Variants in NEXMIF observed in about 807,000 individuals in gnomAD.
The protein encoded by NEXMIF is neurite extension and migration factor.
A neutral mutation model predicts 62.1 loss-of-function variants in NEXMIF; 8 were observed. The observed-to-expected ratio is 0.13, with a 90% confidence interval of 0.08 to 0.23. The LOEUF (loss-of-function observed/expected upper bound fraction) is 0.23, where lower values mean the gene tolerates loss of function less well. NEXMIF is among the 10% of genes least tolerant of loss of function. The pLI is 1.00. For synonymous variants in NEXMIF, 404 were observed against 416.6 expected, an observed-to-expected ratio of 0.97 and a Z score of 0.37; for missense variants, 976 against 1,113.3, an observed-to-expected ratio of 0.88 and a Z score of 1.75.
intron 1 of NEXMIF, among the ~76,000 whole-genome samples, chrX:74,921,762 A>C (rs1213806899): frequency 9.0e-6 from 1 of 111,186 alleles, no homozygotes; most frequent in African/African-American, 3.3e-5. Flanking sequence ...AAATCTCTTA[A>C]GATGGGAAAA....
intron 1 of NEXMIF, among the ~76,000 whole-genome samples, chrX:74,764,470 A>C (rs886607569): frequency 8.9e-6 from 1 of 111,905 alleles, no homozygotes; most frequent in South Asian, 3.7e-4. Flanking sequence ...TATCAGGATG[A>C]TGCTGGCCTC....
At chrX:74,816,400 C>A (rs1277189720) in intron 1 of NEXMIF, among the ~76,000 whole-genome samples, 2 of 111,268 alleles carry the variant, frequency 1.8e-5, no homozygotes, top group Non-Finnish European at 3.8e-5. Flanking sequence ...TAAGGTAAGT[C>A]TCTAAATAAA....
intron 1 of NEXMIF, among the ~76,000 whole-genome samples, chrX:74,896,241 G>T (rs2080732528): frequency 8.9e-6 from 1 of 111,890 alleles, no homozygotes; most frequent in Non-Finnish European, 1.9e-5. Flanking sequence ...TGTCACCAAA[G>T]TTGAAAAGCT....
rs962621127 is a variant in NEXMIF at position 74,845,820 on chromosome X, C to T, written c.-48+79063G>A. 2.7e-5 allele frequency among the ~76,000 whole-genome samples: 3 copies of T among 110,582 alleles called. No homozygotes were observed. The East Asian group carries it at 8.6e-4, about 32-fold the overall frequency. On this transcript the variant is annotated intron_variant, in intron 1 of 3. Coordinates refer to ENST00000055682, the MANE Select transcript of NEXMIF (RefSeq NM_001008537.3). ...ATTAAAAAAAAAACTATACATGAAGCCCCCAAGCCCTAATTATAACCTCTC... is the reference window on the plus strand; with the variant it reads ...ATTAAAAAAAAAACTATACATGAAGTCCCCAAGCCCTAATTATAACCTCTC...
chrX:74,765,059 G>T lies in NEXMIF; in HGVS notation c.-47-19362C>A, dbSNP rs1181273876. The stretch of plus-strand genomic sequence containing the variant: ...CCCACTATTATTGTGTGGGAATCTA[G>T]GTCTCTTTGTAGGTCTCTAAGAACT... On this transcript the variant is annotated intron_variant, in intron 1 of 3. Coordinates refer to ENST00000055682, the MANE Select transcript of NEXMIF (RefSeq NM_001008537.3). Among the ~76,000 whole-genome samples, 4 of 111,564 alleles carry T rather than the reference G, an allele frequency of 3.6e-5. No individual in the cohort carries two copies. The East Asian group carries it at 8.4e-4, about 23-fold the overall frequency.
chrX:74,876,786 C>CT (rs2080636481), intron 1 of NEXMIF, among the ~76,000 whole-genome samples: 1 of 102,259 alleles, frequency 9.8e-6, no homozygotes, highest in Non-Finnish European at 2.0e-5. Flanking sequence ...GGTTTAAAGT[C>CT]TGTTTTATCA....
chrX:74,823,558 A>C (rs1484049797), intron 1 of NEXMIF, among the ~76,000 whole-genome samples: 2 of 111,704 alleles, frequency 1.8e-5, no homozygotes, highest in Admixed American at 1.9e-4. Flanking sequence ...TTTTGATTGT[A>C]GTACCGTTGT....
At chrX:74,827,440 G>A (rs2080422256) in intron 1 of NEXMIF, among the ~76,000 whole-genome samples, 1 of 111,674 alleles carries the variant, frequency 9.0e-6, no homozygotes, top group Non-Finnish European at 1.9e-5. Context: ...CCTAGGTAGG[G>A]TAAATAAGTA....
At chrX:74,820,165 C>T (rs781450748) in intron 1 of NEXMIF, among the ~76,000 whole-genome samples, 29 of 109,786 alleles carry the variant, frequency 2.6e-4, no homozygotes, top group African/African-American at 9.0e-4. Flanking sequence ...GGGTGGGGAA[C>T]ATCACACACT....
At chrX:74,841,908 A>G (rs1187053453) in intron 1 of NEXMIF, among the ~76,000 whole-genome samples, 2 of 111,228 alleles carry the variant, frequency 1.8e-5, no homozygotes, top group Non-Finnish European at 3.8e-5. Context: ...TTTTTGTATC[A>G]ATGTTCATCA....
intron 1 of NEXMIF, among the ~76,000 whole-genome samples, chrX:74,752,491 T>C (rs146837126): frequency 0.011 from 1,274 of 111,341 alleles, 20 homozygotes; most frequent in African/African-American, 0.04. Flanking sequence ...TCTGTACCGG[T>C]TTTATCTGTA....
chrX:74,741,114 C>T lies in NEXMIF; in HGVS notation c.3443G>A (p.Ser1148Asn). The T allele has an allele frequency of 8.3e-7, 1 of 1,210,936 alleles. No individual in the cohort carries two copies. The highest frequency in any genetic ancestry group is 1.7e-5 in the African/African-American group (1 of 57,676). The change falls in exon 3 of 4, where the codon AGC becomes AAC. Residue 1148 changes from serine (S) to asparagine (N), a missense_variant. Transcript: ENST00000055682. Reference protein sequence around the residue: ...FHMFNDEDSVSLLQKNPCLST... With the variant: ...FHMFNDEDSVNLLQKNPCLST... ...CAGGCAAGGGTTTTTTTGGAGCAGG[C>T]TGACAGAATCCTCATCATTGAACAT... is the stretch of plus-strand genomic sequence containing the variant.
intron 1 of NEXMIF, among the ~76,000 whole-genome samples, chrX:74,755,925 T>G (rs1018317809): frequency 2.7e-5 from 3 of 111,885 alleles, no homozygotes; most frequent in Admixed American, 1.9e-4. Context: ...CACTCTGTCA[T>G]CCAGGCTGGA....
chrX:74,861,418 A>G (rs1448949648), intron 1 of NEXMIF, among the ~76,000 whole-genome samples: 3 of 112,114 alleles, frequency 2.7e-5, no homozygotes, highest in Middle Eastern at 4.6e-3. Context: ...GTTGGAAAAC[A>G]TACTACAGAA....
At chrX:74,869,580 C>T (rs2080592707) in intron 1 of NEXMIF, among the ~76,000 whole-genome samples, 1 of 111,776 alleles carries the variant, frequency 8.9e-6, no homozygotes, top group Non-Finnish European at 1.9e-5. Flanking sequence ...AAACTAATGA[C>T]TCCACAAAAA....
intron 1 of NEXMIF, among the ~76,000 whole-genome samples, chrX:74,758,236 T>C (rs1569338378): frequency 9.0e-6 from 1 of 110,530 alleles, no homozygotes; most frequent in African/African-American, 3.3e-5. Context: ...TGATCTAACA[T>C]AAAAAATTAA....
At chrX:74,883,091 T>C (rs1026115239) in intron 1 of NEXMIF, among the ~76,000 whole-genome samples, 1 of 111,894 alleles carries the variant, frequency 8.9e-6, no homozygotes, top group African/African-American at 3.3e-5. Flanking sequence ...GGGTCCTGAC[T>C]GTTAGAAGGA....
intron 1 of NEXMIF, among the ~76,000 whole-genome samples, chrX:74,835,681 G>T (rs1569352335): frequency 9.0e-6 from 1 of 111,127 alleles, no homozygotes. Flanking sequence ...CACTCCTGTG[G>T]CCACCATCCC....
At chrX:74,893,736 T>C (rs776384093) in intron 1 of NEXMIF, among the ~76,000 whole-genome samples, 10 of 111,989 alleles carry the variant, frequency 8.9e-5, no homozygotes, top group African/African-American at 3.2e-4. Flanking sequence ...ATTGGAATCA[T>C]AAGACGCTTT....
Sources: gnomAD v4.1 joint callset for allele counts (sites outside exome capture counted in the v4.1 genomes callset) on GRCh38, gnomAD v4.1.1 for gene constraint, MANE v1.5 for transcripts, NCBI Gene and HGNC (gene_info 2026-07-23, HGNC 2026-07-21) for gene names.